Variants in RAPGEF2 observed in about 807,000 individuals in gnomAD.
RAPGEF2 encodes Rap guanine nucleotide exchange factor 2.
In RAPGEF2, 54 loss-of-function variants were observed where a neutral mutation model predicts 186.7. That is an observed-to-expected ratio of 0.29 (90% CI 0.23 to 0.36). The LOEUF (loss-of-function observed/expected upper bound fraction) is 0.36. Among genes scored for constraint, RAPGEF2 ranks in the 10% least tolerant of loss-of-function variants. The pLI is 1.00. For synonymous variants in RAPGEF2, 712 were observed against 705.9 expected (o/e 1.01, Z -0.14); for missense variants, 1,532 against 2,045.0 (o/e 0.75, Z 4.84).
chr4:159,243,001 CT>C, intron 6 of RAPGEF2, among the ~76,000 whole-genome samples: 1 of 152,000 alleles, frequency 6.6e-6, no homozygotes, highest in Admixed American at 6.6e-5. Flanking sequence ...TAACTGTTCT[CT>C]CCCCTCACCC....
intron 7 of RAPGEF2, among the ~76,000 whole-genome samples, chr4:159,252,527 A>G (rs1363941666): frequency 6.6e-6 from 1 of 152,234 alleles, no homozygotes; most frequent in Non-Finnish European, 1.5e-5. Flanking sequence ...TCTTGATGTC[A>G]TTTACAGTGG....
chr4:159,299,361 T>A (rs1762381163), intron 7 of RAPGEF2, among the ~76,000 whole-genome samples: 1 of 151,972 alleles, frequency 6.6e-6, no homozygotes, highest in African/African-American at 2.4e-5. Context: ...TGTTTTTAAC[T>A]ATTGGATTTC....
chr4:159,118,078 C>T (rs1390025553), intron 1 of RAPGEF2, among the ~76,000 whole-genome samples: 1 of 152,058 alleles, frequency 6.6e-6, no homozygotes, highest in Non-Finnish European at 1.5e-5. Flanking sequence ...AACCCCTGGG[C>T]CACAGACTGG....
At chr4:159,303,583 C>T (rs890609931) in intron 7 of RAPGEF2, among the ~76,000 whole-genome samples, 1 of 151,100 alleles carries the variant, frequency 6.6e-6, no homozygotes, top group Non-Finnish European at 1.5e-5. Flanking sequence ...TAGATTCTCA[C>T]TTGACGAGGG....
At chr4:159,109,995 T>C (rs1323539667) in intron 1 of RAPGEF2, among the ~76,000 whole-genome samples, 1 of 152,194 alleles carries the variant, frequency 6.6e-6, no homozygotes, top group Non-Finnish European at 1.5e-5. Flanking sequence ...GGAAGCTGAA[T>C]TACACAGTGG....
intron 3 of RAPGEF2, among the ~76,000 whole-genome samples, chr4:159,202,607 T>C (rs1329932492): frequency 1.3e-5 from 2 of 152,160 alleles, no homozygotes; most frequent in African/African-American, 4.8e-5. Flanking sequence ...TTTTCTTTCT[T>C]TCTTCGTTTT....
chr4:159,251,694 G>A (rs546640228), intron 7 of RAPGEF2, among the ~76,000 whole-genome samples: 1 of 152,206 alleles, frequency 6.6e-6, no homozygotes, highest in East Asian at 1.9e-4. Context: ...TCAGCACTCT[G>A]TGTCTAGCTC....
chr4:159,353,693 T>G lies in RAPGEF2; in HGVS notation c.4298T>G (p.Leu1433Arg). ...TIQHQRSWETLPFGHTHFDYS... is the reference protein window; with the variant it reads ...TIQHQRSWETRPFGHTHFDYS... The stretch of plus-strand genomic sequence containing the variant: ...CAGCACCAGAGAAGCTGGGAGACTC[T>G]TCCATTCGGGCATACTCACTTTGAT... Residue 1433 changes from leucine (L) to arginine (R), a missense_variant, in exon 28 of 30, where the codon CTT becomes CGT. Leu to Arg is a moderately radical substitution (Grantham distance 102, BLOSUM62 -2). Transcript: ENST00000691494. The surrounding 1 kb of genome is among the most constrained non-coding windows in gnomAD (Gnocchi z 4.3). The G allele has an allele frequency of 6.3e-7, 1 of 1,593,784 alleles. No homozygotes were observed. Among genetic ancestry groups the G allele is most frequent in the Non-Finnish European group, 8.5e-7 (1 of 1,170,584 alleles).
Position 159,346,864 on chromosome 4 carries a change from A to C in RAPGEF2, c.3578A>C (p.Gln1193Pro). The C allele has an allele frequency of 6.2e-7, 1 of 1,614,226 alleles. No homozygotes were observed. The highest frequency in any genetic ancestry group is 1.1e-5 in the South Asian group (1 of 91,084). ...SPVAPRAGSQ[Q>P]KAQSLPQPQQ... is the part of the protein sequence containing the mutation. ...GTAGCTCCAAGGGCAGGGTCACAAC[A>C]GAAAGCTCAGTCCCTGCCACAGCCC... is the stretch of plus-strand genomic sequence containing the variant. Residue 1193 changes from glutamine to proline, a missense_variant, in exon 25 of 30, where the codon CAG (glutamine) becomes CCG (proline). Physicochemically the swap from Gln to Pro is moderately conservative, Grantham distance 76. This residue lies in a region of RAPGEF2 where 594 missense variants were observed against 608.5 expected (regional missense o/e 0.98). Coordinates refer to ENST00000691494, the MANE Select transcript of RAPGEF2 (RefSeq NM_001394067.2).
rs567564355 is a variant in RAPGEF2, at chr4:159,164,145, C to G, written c.70-22497C>G. Among the ~76,000 whole-genome samples, 3 of 152,118 alleles carry G rather than the reference C, an allele frequency of 2.0e-5. No homozygotes were observed. In the South Asian group the frequency reaches 6.2e-4, roughly 32 times the overall value. On this transcript the variant is annotated intron_variant, in intron 1 of 29. Coordinates refer to ENST00000691494, the MANE Select transcript of RAPGEF2 (RefSeq NM_001394067.2). Reference sequence around the variant, plus strand: ...TCAGCCTCCTGAGTAGCTGGGACTACAGGCGCCCACCACCACACCCAGCTA... The same window carrying G: ...TCAGCCTCCTGAGTAGCTGGGACTAGAGGCGCCCACCACCACACCCAGCTA...
intron 1 of RAPGEF2, among the ~76,000 whole-genome samples, chr4:159,118,426 A>G (rs13144131): frequency 3.1e-4 from 47 of 152,128 alleles, no homozygotes; most frequent in Non-Finnish European, 5.6e-4. Context: ...TTCATTATAT[A>G]TTACAATGTA....
intron 1 of RAPGEF2, among the ~76,000 whole-genome samples, chr4:159,157,872 T>A (rs138740892): frequency 1.3e-5 from 2 of 152,322 alleles, no homozygotes; most frequent in East Asian, 3.9e-4. Context: ...CCACTCATTT[T>A]CCTTTCTTCC....
In RAPGEF2 at chr4:159,341,478, T is replaced by C. The variant is rs1055979276; in HGVS notation, c.2535-86T>C. On this transcript the variant is annotated intron_variant, in intron 19 of 29. Coordinates refer to ENST00000691494, the MANE Select transcript of RAPGEF2 (RefSeq NM_001394067.2). ...TTCAAATCAGTGCTCTCTCAAACTT[T>C]CCATAAAAAGTAGCATTATTCTTTC... The C allele has an allele frequency of 4.3e-6, 6 of 1,382,908 alleles. No homozygotes were observed. The African/African-American group carries it at 4.4e-5, about 10-fold the overall frequency. The allele number at this position is 1,382,908 out of a possible 1,614,324, so 85.7% of individuals were successfully genotyped here.
chr4:159,120,209 AG>A, intron 1 of RAPGEF2, among the ~76,000 whole-genome samples: 1 of 152,184 alleles, frequency 6.6e-6, no homozygotes, highest in East Asian at 1.9e-4. Flanking sequence ...TAGTAGAGAC[AG>A]GGTTTCGCCA....
intron 7 of RAPGEF2, among the ~76,000 whole-genome samples, chr4:159,252,741 AAG>A (rs1422371420): frequency 6.6e-6 from 1 of 152,230 alleles, no homozygotes; most frequent in Non-Finnish European, 1.5e-5. Flanking sequence ...CACATCAGCT[AAG>A]AGAGGCCGAT....
At chr4:159,314,163 G>C (rs1219377383) in intron 8 of RAPGEF2, among the ~76,000 whole-genome samples, 3 of 152,168 alleles carry the variant, frequency 2.0e-5, no homozygotes, top group Admixed American at 6.6e-5. Context: ...CATAAGGACT[G>C]TCTAATTGGG....
intron 1 of RAPGEF2, among the ~76,000 whole-genome samples, chr4:159,164,804 T>C (rs9884800): frequency 0.01 from 1,586 of 152,294 alleles, 31 homozygotes; most frequent in African/African-American, 0.036. Context: ...TTTAGCCCAA[T>C]ATCAAAATAG....
intron 1 of RAPGEF2, among the ~76,000 whole-genome samples, chr4:159,164,166 A>G (rs929947700): frequency 3.3e-5 from 5 of 151,890 alleles, no homozygotes; most frequent in African/African-American, 9.7e-5. Flanking sequence ...CACCACACCC[A>G]GCTAATTTTT....
chr4:159,177,800 A>C (rs548954114), intron 1 of RAPGEF2, among the ~76,000 whole-genome samples: 1 of 152,348 alleles, frequency 6.6e-6, no homozygotes, highest in South Asian at 2.1e-4. Flanking sequence ...TAACCCCGTT[A>C]TTAATAATGT....
Sources: allele counts gnomAD v4.1 joint callset (sites outside exome capture counted in the v4.1 genomes callset), GRCh38; gene constraint gnomAD v4.1.1; regional missense constraint gnomAD v4.1.1; non-coding constraint Gnocchi (gnomAD v3.1); transcripts MANE v1.5; gene names NCBI Gene and HGNC (gene_info 2026-07-23, HGNC 2026-07-21).